Variants in DNAH3 observed in about 807,000 individuals in gnomAD.
The protein encoded by DNAH3 is dynein axonemal heavy chain 3, also known as axonemal beta dynein heavy chain 3.
In DNAH3, 332 loss-of-function variants were observed where a neutral mutation model predicts 432.5. The observed-to-expected ratio is 0.77, with a 90% CI of 0.70 to 0.84. DNAH3 has a LOEUF of 0.84. Among genes scored for constraint, DNAH3 ranks in the 40% least tolerant of loss-of-function variants. DNAH3 has a pLI of 0.00. For missense variants in DNAH3, 4,861 were observed against 5,114.0 expected (o/e 0.95, Z 1.51); for synonymous variants, 1,956 against 1,900.2 (o/e 1.03, Z -0.76).
chr16:21,022,047 A>C, exon 40 of DNAH3: 1 of 1,614,142 alleles, frequency 6.2e-7, no homozygotes, highest in Non-Finnish European at 8.5e-7. Flanking sequence ...ATTTACAATG[A>C]AGGCGACCAA....
At chr16:21,154,052 A>C (rs1442042329) in intron 1 of DNAH3, among the ~76,000 whole-genome samples, 2 of 152,222 alleles carry the variant, frequency 1.3e-5, no homozygotes, top group African/African-American at 2.4e-5. Context: ...GGTCTCCTAT[A>C]CTGGGTGTGA....
chr16:20,945,711 C>T lies in DNAH3; in HGVS notation c.11344-1048G>A, dbSNP rs529242274. ...TTCACTGCGTTAGCCAGGATGGTCTCGATCTCTTAACCTTGTGATCCGACC... is the reference window on the plus strand; with the variant it reads ...TTCACTGCGTTAGCCAGGATGGTCTTGATCTCTTAACCTTGTGATCCGACC... On this transcript the variant is annotated intron_variant, in intron 57 of 61. Transcript: ENST00000261383. 6.6e-4 allele frequency among the ~76,000 whole-genome samples: 100 copies of T among 152,216 alleles called. 1 individual carries two copies. The highest frequency in any genetic ancestry group is 6.8e-3 in the Middle Eastern group (2 of 294).
chr16:21,040,030 T>G, intron 32 of DNAH3, 87 bp from the exon 33 acceptor site: 10 of 1,144,184 alleles, frequency 8.7e-6, no homozygotes, highest in Non-Finnish European at 1.3e-5. Flanking sequence ...GGAAGTAGCT[T>G]TGCTTCATTC....
At chr16:21,027,005 G>GT (rs1314700086) in intron 38 of DNAH3, 22 bp downstream of exon 38, 1 of 1,584,810 alleles carries the variant, frequency 6.3e-7, no homozygotes, top group Admixed American at 1.7e-5. Context: ...GTCCCCCGGG[G>GT]TGCCAGTGAG....
intron 1 of DNAH3, among the ~76,000 whole-genome samples, chr16:21,153,611 C>G (rs2092877446): frequency 6.6e-6 from 1 of 152,186 alleles, no homozygotes; most frequent in Non-Finnish European, 1.5e-5. Flanking sequence ...TGGGTTCATG[C>G]CGCCTTAATA....
At chr16:20,945,245 A>C (rs574995542) in intron 57 of DNAH3, among the ~76,000 whole-genome samples, 2 of 152,334 alleles carry the variant, frequency 1.3e-5, no homozygotes, top group East Asian at 3.9e-4. Flanking sequence ...ATGCATTAGC[A>C]TGCTATGAGA....
At chr16:20,974,688 T>C (rs79877746) in intron 51 of DNAH3, among the ~76,000 whole-genome samples, 1 of 144,940 alleles carries the variant, frequency 6.9e-6, no homozygotes, top group Non-Finnish European at 1.5e-5. Flanking sequence ...CCCAAAAATC[T>C]GGGATCACAG....
At position 20,954,291 on chromosome 16, in the gene DNAH3, C is replaced by CTTTT. The variant is rs1190060999; in HGVS notation, c.11071+518_11071+521dup. ...GCTTATGTATTAATCTACCTATAGA[C>CTTTT]TTTTTTTTTTTTTTTTTGAGACAGG... On this transcript the variant is annotated intron_variant, in intron 55 of 61. Coordinates refer to ENST00000261383, the Ensembl canonical transcript of DNAH3. Among the ~76,000 whole-genome samples, 5 of 127,830 alleles carry CTTTT rather than the reference C, an allele frequency of 3.9e-5. 1 individual carries two copies. Among genetic ancestry groups the CTTTT allele is most frequent in the African/African-American group, 1.1e-4 (4 of 35,032 alleles). 83.9% of individuals were successfully genotyped at this position (127,830 alleles called of 152,430 possible).
chr16:20,952,784 AG>A (rs1198093847), intron 55 of DNAH3, among the ~76,000 whole-genome samples: 1 of 152,338 alleles, frequency 6.6e-6, no homozygotes, highest in Non-Finnish European at 1.5e-5. Context: ...CCATTTGTTA[AG>A]GAAGATGTTA....
intron 1 of DNAH3, among the ~76,000 whole-genome samples, chr16:21,153,906 T>C (rs2092880986): frequency 1.3e-5 from 2 of 152,330 alleles, no homozygotes; most frequent in South Asian, 4.1e-4. Flanking sequence ...CCTTTCAAAA[T>C]AACCCTGAGC....
Position 21,155,201 on chromosome 16 carries a change from C to G in DNAH3, c.117+4124G>C, listed in dbSNP as rs143501398. Among the ~76,000 whole-genome samples the G allele has an allele frequency of 5.5e-3, 840 of 152,122 alleles. 2 individuals carry two copies. The highest frequency in any genetic ancestry group is 0.017 in the Middle Eastern group (5 of 294). ...CTGACCTCAAGTGATCTGCCCACCT[C>G]CGCCTCCCAAAGTGCTGGGATTCAG... On this transcript the variant is annotated intron_variant, in intron 1 of 61. Coordinates refer to ENST00000261383, the Ensembl canonical transcript of DNAH3.
chr16:21,048,986 G>A (rs376334867), intron 31 of DNAH3, among the ~76,000 whole-genome samples: 1 of 151,430 alleles, frequency 6.6e-6, no homozygotes, highest in African/African-American at 2.4e-5. Flanking sequence ...GAGCCACCGC[G>A]CTCAGCCAAG....
Position 20,993,210 on chromosome 16 carries a change from A to G in DNAH3, c.6601+4073T>C, listed in dbSNP as rs73536178. Among the ~76,000 whole-genome samples, 1,228 of 152,142 alleles carry G rather than the reference A, an allele frequency of 8.1e-3. 21 individuals are homozygous for G. The highest frequency in any genetic ancestry group is 0.028 in the African/African-American group (1,148 of 41,514). ...ATCTTGACCTCCTTTTTTCCACCCC[A>G]AGACTCTTGGTTCTCAAAAACTCAA... On this transcript the variant is annotated intron_variant, in intron 44 of 61. Coordinates refer to ENST00000261383, the Ensembl canonical transcript of DNAH3.
intron 14 of DNAH3, 106 bp from the exon 15 acceptor site, chr16:21,106,780 T>A: frequency 9.3e-7 from 1 of 1,071,664 alleles, no homozygotes; most frequent in Non-Finnish European, 1.2e-6. Flanking sequence ...AATTCCTATT[T>A]GAAAAAAAAA....
intron 22 of DNAH3, 22 bp downstream of exon 22, chr16:21,070,688 A>C: frequency 1.3e-6 from 2 of 1,498,894 alleles, no homozygotes; most frequent in Non-Finnish European, 9.3e-7. Context: ...ACCTCAAAGC[A>C]TTCAACTTCA....
At position 21,011,462 on chromosome 16, in the gene DNAH3, T is replaced by A. The variant is rs548780995; in HGVS notation, c.6022+8162A>T. On this transcript the variant is annotated intron_variant, in intron 41 of 61. Transcript: ENST00000261383. ...GCCTCAACCTCCTGGGCTCAAGTGATCCTCCTGCCTCAGCCTCCCAAGTAG... is the reference window on the plus strand; with the variant it reads ...GCCTCAACCTCCTGGGCTCAAGTGAACCTCCTGCCTCAGCCTCCCAAGTAG... Among the ~76,000 whole-genome samples, 11 of 152,284 alleles carry A rather than the reference T, an allele frequency of 7.2e-5. No homozygotes were observed. In the South Asian group the frequency reaches 1.2e-3, roughly 17 times the overall value.
At chr16:20,999,719 C>T (rs2086925324) in intron 43 of DNAH3, among the ~76,000 whole-genome samples, 1 of 152,130 alleles carries the variant, frequency 6.6e-6, no homozygotes, top group African/African-American at 2.4e-5. Context: ...TTGTGGGGCT[C>T]AAGTGACCGA....
rs1295459069 is a variant in DNAH3, at chr16:20,987,686, G to A, written c.6882+7C>T. 1 of 1,612,174 alleles carries A rather than the reference G, an allele frequency of 6.2e-7. No homozygotes were observed. Among genetic ancestry groups the A allele is most frequent in the South Asian group, 1.1e-5 (1 of 91,002 alleles). ...ATGATCTTGGTAGTAAAATGATAGT[G>A]GCTGACCTGCAGGTGTGTGTGAGGG... On this transcript the variant is annotated splice_region_variant and intron_variant, in intron 46 of 61. Transcript: ENST00000261383.
In DNAH3 at chr16:21,041,041, G is replaced by T. The variant is rs1197747317; in HGVS notation, c.4638+986C>A. Among the ~76,000 whole-genome samples the T allele has an allele frequency of 2.0e-5, 3 of 152,080 alleles. No homozygotes were observed. The East Asian group carries it at 5.8e-4, about 29-fold the overall frequency. ...TCTAATATGGCTGTTGGCTGGGATG[G>T]ATGCAGGGGGTGCTTACAAATACTG... On this transcript the variant is annotated intron_variant, in intron 32 of 61. Transcript: ENST00000261383.
Sources: allele counts gnomAD v4.1 joint callset (sites outside exome capture counted in the v4.1 genomes callset), GRCh38; gene constraint gnomAD v4.1.1; transcripts MANE v1.5; gene names NCBI Gene and HGNC (gene_info 2026-07-23, HGNC 2026-07-21).